The following HIVEP2 variants were observed in gnomAD, a reference collection of about 807,000 sequenced individuals.
HIVEP2 encodes transcription factor HIVEP2.
A neutral mutation model predicts 180.7 loss-of-function variants in HIVEP2; 14 were observed. The ratio of observed to expected loss-of-function variants is 0.08; its 90% CI spans 0.05 to 0.12. The LOEUF (loss-of-function observed/expected upper bound fraction) is 0.12, where lower values mean the gene tolerates loss of function less well. Among genes scored for constraint, HIVEP2 ranks in the 10% least tolerant of loss-of-function variants. The pLI is 1.00. For synonymous variants in HIVEP2, 1,184 were observed against 1,136.4 expected, an observed-to-expected ratio of 1.04 and a Z score of -0.84; for missense variants, 2,579 against 3,008.5, an observed-to-expected ratio of 0.86 and a Z score of 3.34.
In HIVEP2 at chr6:142,776,615, C is replaced by T. The variant is rs1432225244; in HGVS notation, c.-432-424G>A. On this transcript the variant is annotated intron_variant, in intron 3 of 9. Coordinates refer to ENST00000367603, the MANE Select transcript of HIVEP2 (RefSeq NM_006734.4). ...GTGCAATCACTGCTCACTGCAGCCT[C>T]GACCTCCCTGAGCTCAGGCGATCCT... Among the ~76,000 whole-genome samples the T allele has an allele frequency of 1.3e-5, 2 of 151,842 alleles. 1 individual carries two copies. Among genetic ancestry groups the T allele is most frequent in the Admixed American group, 1.3e-4 (2 of 15,242 alleles).
intron 7 of HIVEP2, among the ~76,000 whole-genome samples, chr6:142,763,571 C>T (rs1320014299): frequency 6.6e-6 from 1 of 152,184 alleles, no homozygotes; most frequent in Non-Finnish European, 1.5e-5. Context: ...ATTTCTTCAT[C>T]CAGTTTTTCA....
chr6:142,839,944 T>C (rs185340620), intron 1 of HIVEP2, among the ~76,000 whole-genome samples: 75 of 152,308 alleles, frequency 4.9e-4, no homozygotes, highest in Admixed American at 1.8e-3. Context: ...GTAGAGCCAC[T>C]GTGCCTCTCA....
At chr6:142,923,386 A>G (rs1166200486) in intron 1 of HIVEP2, among the ~76,000 whole-genome samples, 2 of 152,166 alleles carry the variant, frequency 1.3e-5, no homozygotes, top group Non-Finnish European at 2.9e-5. Flanking sequence ...ATAAGCATGA[A>G]CCAAAATATA....
At chr6:142,817,665 A>G (rs1776878497) in intron 2 of HIVEP2, among the ~76,000 whole-genome samples, 1 of 152,240 alleles carries the variant, frequency 6.6e-6, no homozygotes, top group Non-Finnish European at 1.5e-5. Flanking sequence ...CCAAGTAGGA[A>G]GTGAAGATAA....
At chr6:142,883,549 T>G (rs1179038656) in intron 1 of HIVEP2, among the ~76,000 whole-genome samples, 1 of 152,112 alleles carries the variant, frequency 6.6e-6, no homozygotes, top group Non-Finnish European at 1.5e-5. Flanking sequence ...CACATAAAAG[T>G]GCAAATACAT....
chr6:142,829,610 A>G (rs751130508), intron 2 of HIVEP2, among the ~76,000 whole-genome samples: 2 of 152,268 alleles, frequency 1.3e-5, no homozygotes, highest in Non-Finnish European at 2.9e-5. Flanking sequence ...TGAAATGCAG[A>G]CTTACTCATC....
chr6:142,878,962 C>T (rs999414327), intron 1 of HIVEP2, among the ~76,000 whole-genome samples: 1 of 152,064 alleles, frequency 6.6e-6, no homozygotes, highest in Admixed American at 6.6e-5. Flanking sequence ...AACTGTGTGG[C>T]CCTGGATATG....
chr6:142,838,440 A>G (rs1775279636), intron 1 of HIVEP2, among the ~76,000 whole-genome samples: 2 of 152,298 alleles, frequency 1.3e-5, no homozygotes, highest in Non-Finnish European at 1.5e-5. Context: ...GAATCAACAA[A>G]CACAATCACC....
At chr6:142,847,424 G>GGA (rs1554217374) in intron 1 of HIVEP2, among the ~76,000 whole-genome samples, 12 of 148,298 alleles carry the variant, frequency 8.1e-5, no homozygotes, top group Non-Finnish European at 1.5e-4. Context: ...TGAAATGTTA[G>GGA]AAAAAAAAAA....
intron 1 of HIVEP2, among the ~76,000 whole-genome samples, chr6:142,856,577 T>A (rs2876528): frequency 0.18 from 26,952 of 152,152 alleles, 2,580 homozygotes; most frequent in South Asian, 0.22. Flanking sequence ...AGCACTGAAA[T>A]CAAGCTTCAC....
At chr6:142,883,237 T>A (rs188484284) in intron 1 of HIVEP2, among the ~76,000 whole-genome samples, 1 of 152,168 alleles carries the variant, frequency 6.6e-6, no homozygotes, top group East Asian at 1.9e-4. Flanking sequence ...TTTGCATATG[T>A]AGTTACAAAA....
chr6:142,867,741 CAT>C (rs1345391330), intron 1 of HIVEP2, among the ~76,000 whole-genome samples: 2 of 152,142 alleles, frequency 1.3e-5, no homozygotes, highest in African/African-American at 2.4e-5. Context: ...ACTTAGAAAA[CAT>C]GTGGACAAAT....
chr6:142,839,549 T>C (rs546402737), intron 1 of HIVEP2, among the ~76,000 whole-genome samples: 8 of 152,248 alleles, frequency 5.3e-5, no homozygotes, highest in African/African-American at 1.7e-4. Context: ...TTGTTTCAGT[T>C]ATTCGCATGT....
intron 2 of HIVEP2, among the ~76,000 whole-genome samples, chr6:142,808,294 T>A (rs1255363651): frequency 6.6e-6 from 1 of 151,944 alleles, no homozygotes; most frequent in Non-Finnish European, 1.5e-5. Flanking sequence ...CAAGAAATGC[T>A]CTGTAAATAT....
intron 1 of HIVEP2, among the ~76,000 whole-genome samples, chr6:142,859,542 C>T (rs12199711): frequency 0.18 from 26,807 of 150,756 alleles, 2,548 homozygotes; most frequent in South Asian, 0.22. Flanking sequence ...AAACTTAAAA[C>T]GATAAATGAG....
Position 142,790,379 on chromosome 6 carries a change from T to C in HIVEP2, c.-527-6764A>G, listed in dbSNP as rs556933435. On this transcript the variant is annotated intron_variant, in intron 2 of 9. Transcript: ENST00000367603. ...TTTTCCTTCCCTTCCATTTCCTCTA[T>C]CTTATCCCTTAATATGGTAGGTAAA... Among the ~76,000 whole-genome samples, 8 of 152,324 alleles carry C rather than the reference T, an allele frequency of 5.3e-5. No homozygotes were observed. The South Asian group carries it at 1.0e-3, about 20-fold the overall frequency.
rs772821900 is a variant in HIVEP2, at chr6:142,753,490, G to A, written c.6958C>T (p.Arg2320Trp). The change falls in exon 10 of 10, where the codon CGG becomes TGG. Residue 2320 changes from arginine to tryptophan, a missense_variant. Physicochemically the swap from Arg to Trp is moderately radical, Grantham distance 101. This residue lies in a region of HIVEP2 where 660 missense variants were observed against 731.7 expected (regional missense o/e 0.90). Transcript: ENST00000367603. ...GTCTGTATATTTTCCTCCTGTTCCC[G>A]CTCTGTTGCGTTTAGGCTGTCTTCC... ...TSEDSLNATE[R>W]EQEENIQTCT... 9 of 1,613,958 alleles carry A rather than the reference G, an allele frequency of 5.6e-6. No homozygotes were observed. Among genetic ancestry groups the A allele is most frequent in the Admixed American group, 1.7e-5 (1 of 60,000 alleles).
chr6:142,799,319 T>A (rs185878574), intron 2 of HIVEP2, among the ~76,000 whole-genome samples: 150 of 152,228 alleles, frequency 9.9e-4, no homozygotes, highest in African/African-American at 3.5e-3. Context: ...GGCTTGTCAG[T>A]GGGAAACAAC....
At chr6:142,895,674 G>A (rs1347773029) in intron 1 of HIVEP2, among the ~76,000 whole-genome samples, 1 of 152,202 alleles carries the variant, frequency 6.6e-6, no homozygotes, top group Non-Finnish European at 1.5e-5. Context: ...AGCTGAGAGT[G>A]TCACACAATA....
Sources: allele counts gnomAD v4.1 joint callset (sites outside exome capture counted in the v4.1 genomes callset), GRCh38; gene constraint gnomAD v4.1.1; regional missense constraint gnomAD v4.1.1; transcripts MANE v1.5; gene names NCBI Gene and HGNC (gene_info 2026-07-23, HGNC 2026-07-21).